The following DPYSL5 variants were observed in gnomAD, a reference collection of about 807,000 sequenced individuals.
DPYSL5 encodes dihydropyrimidinase like 5.
DPYSL5 carries 9 observed loss-of-function variants against 58.4 expected under a neutral mutation model. The ratio of observed to expected loss-of-function variants is 0.15; its 90% confidence interval spans 0.09 to 0.27. The LOEUF (loss-of-function observed/expected upper bound fraction) is 0.27, where lower values mean the gene tolerates loss of function less well. Ranked by LOEUF, DPYSL5 falls within the 10% of genes least tolerant of loss-of-function variation. The pLI is 1.00. For missense variants in DPYSL5, 499 were observed against 770.6 expected, an observed-to-expected ratio of 0.65 and a Z score of 4.17; for synonymous variants, 293 against 301.9, an observed-to-expected ratio of 0.97 and a Z score of 0.31.
intron 1 of DPYSL5, among the ~76,000 whole-genome samples, chr2:26,884,517 A>ATCTCTC (rs1553316105): frequency 2.3e-4 from 34 of 146,506 alleles, no homozygotes; most frequent in African/African-American, 8.2e-4. Context: ...AGCTTGTCCT[A>ATCTCTC]TCTCACACAC....
At chr2:26,893,728 C>T (rs1663945034) in intron 1 of DPYSL5, among the ~76,000 whole-genome samples, 2 of 152,048 alleles carry the variant, frequency 1.3e-5, no homozygotes, top group African/African-American at 4.8e-5. Context: ...GAGGACCCTA[C>T]TCCATAGGTG....
intron 5 of DPYSL5, among the ~76,000 whole-genome samples, chr2:26,929,428 C>T (rs541689312): frequency 1.3e-5 from 2 of 152,274 alleles, no homozygotes; most frequent in East Asian, 3.9e-4. Context: ...GACGGGGTTT[C>T]ACCATGCTGG....
intron 2 of DPYSL5, among the ~76,000 whole-genome samples, chr2:26,908,339 T>C (rs1664351564): frequency 6.6e-6 from 1 of 152,214 alleles, no homozygotes; most frequent in African/African-American, 2.4e-5. Flanking sequence ...TCTAGATAAT[T>C]TTCTGTCTTC....
chr2:26,861,199 A>C (rs1314595820), intron 1 of DPYSL5, among the ~76,000 whole-genome samples: 1 of 152,216 alleles, frequency 6.6e-6, no homozygotes, highest in Non-Finnish European at 1.5e-5. Context: ...GCCCATTCAA[A>C]CAAGAAAGGC....
intron 1 of DPYSL5, among the ~76,000 whole-genome samples, chr2:26,862,273 G>A (rs1666034532): frequency 6.6e-6 from 1 of 152,206 alleles, no homozygotes; most frequent in Non-Finnish European, 1.5e-5. Context: ...GTGGCACTTG[G>A]CGCAAGGCCC....
intron 11 of DPYSL5, among the ~76,000 whole-genome samples, chr2:26,943,533 G>C (rs1163453582): frequency 6.6e-6 from 1 of 152,202 alleles, no homozygotes; most frequent in Non-Finnish European, 1.5e-5. Flanking sequence ...AAAGTGCTGG[G>C]ATTACAGGCG....
chr2:26,930,503 C>T (rs986528058), intron 5 of DPYSL5, among the ~76,000 whole-genome samples: 1 of 152,142 alleles, frequency 6.6e-6, no homozygotes, highest in Non-Finnish European at 1.5e-5. Context: ...AAACATCCCA[C>T]AATGCGCAGA....
chr2:26,885,010 A>T (rs888567904), intron 1 of DPYSL5, among the ~76,000 whole-genome samples: 6 of 151,736 alleles, frequency 4.0e-5, no homozygotes, highest in Admixed American at 3.9e-4. Context: ...GACCAGCCTG[A>T]CCCACATGGT....
intron 9 of DPYSL5, among the ~76,000 whole-genome samples, chr2:26,940,879 G>A (rs1404104816): frequency 1.3e-5 from 2 of 151,066 alleles, no homozygotes; most frequent in East Asian, 3.9e-4. Flanking sequence ...ATGCTGAGGA[G>A]AACCTCTTTG....
At position 26,949,888 on chromosome 2, in the gene DPYSL5, A is replaced by C. The variant is rs1404528806; in HGVS notation, c.*2893A>C. On this transcript the variant is annotated 3_prime_UTR_variant, in exon 13 of 13. Coordinates refer to ENST00000288699, the MANE Select transcript of DPYSL5 (RefSeq NM_020134.4). ...TTGGAACGAAAGGGTCTCTGGTTGC[A>C]CTGAATGCAGCTCTCAAACTGGTCT... 6.6e-6 allele frequency: 1 copy of C among 152,510 alleles called. No homozygotes were observed. The highest frequency in any genetic ancestry group is 1.5e-5 in the Non-Finnish European group (1 of 68,280). 9.4% of individuals were successfully genotyped at this position (152,510 alleles called of 1,614,324 possible).
chr2:26,931,358 A>G (rs1030893032), intron 5 of DPYSL5, among the ~76,000 whole-genome samples: 5 of 151,338 alleles, frequency 3.3e-5, no homozygotes, highest in African/African-American at 1.2e-4. Flanking sequence ...AGAATACACC[A>G]GAAAACAAGG....
At chr2:26,891,976 A>G (rs146989637) in intron 1 of DPYSL5, among the ~76,000 whole-genome samples, 1 of 152,338 alleles carries the variant, frequency 6.6e-6, no homozygotes, top group African/African-American at 2.4e-5. Context: ...CCTGGCCTAA[A>G]AAAAGGCTTT....
intron 1 of DPYSL5, among the ~76,000 whole-genome samples, chr2:26,875,680 CT>C (rs1311938378): frequency 6.6e-6 from 1 of 152,144 alleles, no homozygotes. Context: ...GGGTTTGGTT[CT>C]TGGCCTGGGC....
chr2:26,882,111 A>AAAAAGAAAG (rs1308139468), intron 1 of DPYSL5, among the ~76,000 whole-genome samples: 4 of 149,084 alleles, frequency 2.7e-5, no homozygotes, highest in Non-Finnish European at 3.0e-5. Flanking sequence ...AAAAAAAAAA[A>AAAAAGAAAG]AGAAAGAAAG....
At chr2:26,885,386 G>A (rs1290448080) in intron 1 of DPYSL5, among the ~76,000 whole-genome samples, 1 of 152,168 alleles carries the variant, frequency 6.6e-6, no homozygotes, top group African/African-American at 2.4e-5. Flanking sequence ...TACTTGTTCC[G>A]ATTCTACCTT....
At chr2:26,943,471 C>T (rs1441840242) in intron 11 of DPYSL5, among the ~76,000 whole-genome samples, 1 of 152,126 alleles carries the variant, frequency 6.6e-6, no homozygotes, top group East Asian at 1.9e-4. Context: ...CCGTGTTGCT[C>T]GGGTTGCTTT....
At chr2:26,901,564 G>A (rs930722857) in intron 2 of DPYSL5, among the ~76,000 whole-genome samples, 3 of 152,112 alleles carry the variant, frequency 2.0e-5, no homozygotes, top group African/African-American at 4.8e-5. Context: ...CAGAGGCCGC[G>A]CACCCTGATG....
chr2:26,920,770 A>C (rs941073986), intron 2 of DPYSL5, among the ~76,000 whole-genome samples: 3 of 152,196 alleles, frequency 2.0e-5, no homozygotes, highest in Non-Finnish European at 4.4e-5. Flanking sequence ...GTCTCAAACA[A>C]ACAAACCATT....
Position 26,948,093 on chromosome 2 carries a change from A to ACACACACACACACG in DPYSL5, c.*1111_*1112insGCACACACACACAC, listed in dbSNP as rs1553323426. ...TGCCACCACACACACACACACACAC[A>ACACACACACACACG]CACACACACACACACACGCACGGCT... On this transcript the variant is annotated 3_prime_UTR_variant, in exon 13 of 13. Coordinates refer to ENST00000288699, the MANE Select transcript of DPYSL5 (RefSeq NM_020134.4). 6.5e-5 allele frequency: 10 copies of ACACACACACACACG among 155,022 alleles called. No individual in the cohort carries two copies. The highest frequency in any genetic ancestry group is 2.2e-4 in the African/African-American group (9 of 41,098). 9.6% of individuals were successfully genotyped at this position (155,022 alleles called of 1,614,324 possible).
Sources: allele counts gnomAD v4.1 joint callset (sites outside exome capture counted in the v4.1 genomes callset), GRCh38; gene constraint gnomAD v4.1.1; transcripts MANE v1.5; gene names NCBI Gene and HGNC (gene_info 2026-07-23, HGNC 2026-07-21).